The following NMNAT2 variants were observed in gnomAD, a reference collection of about 807,000 sequenced individuals.
NMNAT2 encodes nicotinamide nucleotide adenylyltransferase 2.
Under a neutral mutation model 41.6 loss-of-function variants are expected in NMNAT2, and 11 were observed. That is an observed-to-expected ratio of 0.26 (90% confidence interval 0.17 to 0.44). NMNAT2 has a LOEUF of 0.44. NMNAT2 is among the 20% of genes least tolerant of loss of function. The pLI, the probability that NMNAT2 is intolerant of heterozygous loss-of-function variation, is 1.00. For synonymous variants in NMNAT2, 148 were observed against 151.2 expected (o/e 0.98, Z 0.16); for missense variants, 288 against 407.7 (o/e 0.71, Z 2.53).
At chr1:183,391,221 T>G (rs1287463995) in intron 1 of NMNAT2, among the ~76,000 whole-genome samples, 1 of 152,216 alleles carries the variant, frequency 6.6e-6, no homozygotes, top group Non-Finnish European at 1.5e-5. Context: ...TCTGCAAGGA[T>G]GACCTTTCTC....
chr1:183,340,759 A>G (rs1361730119), intron 1 of NMNAT2, among the ~76,000 whole-genome samples: 1 of 152,172 alleles, frequency 6.6e-6, no homozygotes, highest in East Asian at 1.9e-4. Flanking sequence ...CTGACGAAAC[A>G]TAATCCAAAG....
intron 1 of NMNAT2, among the ~76,000 whole-genome samples, chr1:183,356,170 A>G (rs1329431324): frequency 1.3e-5 from 2 of 152,218 alleles, no homozygotes; most frequent in Non-Finnish European, 2.9e-5. Flanking sequence ...TATTTTTCCA[A>G]TTTACAGATT....
chr1:183,307,649 G>T (rs1662023950), intron 1 of NMNAT2, among the ~76,000 whole-genome samples: 1 of 152,118 alleles, frequency 6.6e-6, no homozygotes, highest in Admixed American at 6.6e-5. Context: ...CACCACATTG[G>T]CTAGGCTGGT....
At chr1:183,280,658 A>G (rs1370436539) in intron 7 of NMNAT2, among the ~76,000 whole-genome samples, 5 of 150,838 alleles carry the variant, frequency 3.3e-5, no homozygotes, top group East Asian at 4.0e-4. Flanking sequence ...AAAGTGCTGG[A>G]ATTACAGGCA....
At chr1:183,379,081 T>G (rs1234925931) in intron 1 of NMNAT2, among the ~76,000 whole-genome samples, 1 of 76,202 alleles carries the variant, frequency 1.3e-5, no homozygotes, top group East Asian at 1.2e-3. Context: ...TATATCTATA[T>G]CTATATCTAT....
intron 8 of NMNAT2, 23 bp from the exon 9 acceptor site, chr1:183,261,326 C>G: frequency 6.3e-7 from 1 of 1,594,138 alleles, no homozygotes; most frequent in East Asian, 2.2e-5. Flanking sequence ...AGAGAGGGCC[C>G]TTTGGTGAAA....
intron 1 of NMNAT2, among the ~76,000 whole-genome samples, chr1:183,309,412 C>T (rs1557874205): frequency 1.3e-5 from 2 of 152,106 alleles, no homozygotes; most frequent in Admixed American, 6.6e-5. Flanking sequence ...AATTAGGAGC[C>T]GATTCCAGGA....
intron 1 of NMNAT2, among the ~76,000 whole-genome samples, chr1:183,302,039 G>T (rs1013739759): frequency 2.0e-5 from 3 of 152,160 alleles, no homozygotes; most frequent in African/African-American, 7.2e-5. Context: ...ACCAAGTGCT[G>T]GATGATAAAG....
chr1:183,314,187 G>C (rs917845271), intron 1 of NMNAT2, among the ~76,000 whole-genome samples: 2 of 152,198 alleles, frequency 1.3e-5, no homozygotes, highest in Non-Finnish European at 2.9e-5. Context: ...CTCCCAAACA[G>C]AGCAAATATA....
At chr1:183,276,458 G>C (rs1377260696) in intron 8 of NMNAT2, among the ~76,000 whole-genome samples, 1 of 152,164 alleles carries the variant, frequency 6.6e-6, no homozygotes, top group Non-Finnish European at 1.5e-5. Context: ...TTAGAGGACC[G>C]GTGATCTAAG....
intron 1 of NMNAT2, among the ~76,000 whole-genome samples, chr1:183,319,892 G>A (rs77757284): frequency 0.011 from 1,629 of 152,218 alleles, 18 homozygotes; most frequent in Non-Finnish European, 0.018. Context: ...TCTCATTCCC[G>A]TTTTTCTGGA....
At chr1:183,397,550 GAA>G (rs1648684399) in intron 1 of NMNAT2, among the ~76,000 whole-genome samples, 1 of 152,022 alleles carries the variant, frequency 6.6e-6, no homozygotes, top group African/African-American at 2.4e-5. Flanking sequence ...TCAAATTCAG[GAA>G]ATACAAAGAA....
chr1:183,386,557 A>G (rs1191488319), intron 1 of NMNAT2, among the ~76,000 whole-genome samples: 1 of 152,188 alleles, frequency 6.6e-6, no homozygotes, highest in Non-Finnish European at 1.5e-5. Context: ...ACCTCACAAT[A>G]GCAAGGGCTC....
chr1:183,253,943 G>A (rs979115608), intron 10 of NMNAT2, among the ~76,000 whole-genome samples: 3 of 141,406 alleles, frequency 2.1e-5, no homozygotes, highest in South Asian at 2.3e-4. Flanking sequence ...GTGTGTGTGT[G>A]TATGTGTGTG....
chr1:183,361,040 C>T (rs544305459), intron 1 of NMNAT2, among the ~76,000 whole-genome samples: 7 of 152,308 alleles, frequency 4.6e-5, no homozygotes, highest in Admixed American at 3.9e-4. Context: ...GATCATCAAC[C>T]TCAGAGCTAC....
rs929775397 is a variant in NMNAT2, at chr1:183,371,519, T to C, written c.85+46664A>G. Reference sequence around the variant, plus strand: ...ATCAGCTGTAATTAATGTACCCCTCTGGTGGGGGATGTTGATAATGGGCAA... The same window carrying C: ...ATCAGCTGTAATTAATGTACCCCTCCGGTGGGGGATGTTGATAATGGGCAA... On this transcript the variant is annotated intron_variant, in intron 1 of 10. Transcript: ENST00000287713. 2.0e-5 allele frequency among the ~76,000 whole-genome samples: 3 copies of C among 152,168 alleles called. No homozygotes were observed. In the South Asian group the frequency reaches 6.2e-4, roughly 31 times the overall value.
rs762935303 is a variant in NMNAT2 at position 183,341,725 on chromosome 1, C to CAAAAA, written c.86-47937_86-47933dup. On this transcript the variant is annotated intron_variant, in intron 1 of 10. Transcript: ENST00000287713. ...GAGGAAAAGACAAACAAACAAACAC[C>CAAAAA]AAAAAAAAAAAAAAAAAAAAAACCT... is the stretch of plus-strand genomic sequence containing the variant. 4.8e-3 allele frequency among the ~76,000 whole-genome samples: 106 copies of CAAAAA among 22,202 alleles called. 7 individuals carry two copies. The highest frequency in any genetic ancestry group is 9.6e-3 in the African/African-American group (60 of 6,236). The allele number at this position is 22,202 out of a possible 152,430, so 14.6% of individuals were successfully genotyped here. A position where few individuals can be genotyped will look rare whatever the true frequency, so the allele number is the denominator to read the frequency against.
chr1:183,393,081 A>G (rs1408582581), intron 1 of NMNAT2, among the ~76,000 whole-genome samples: 1 of 152,188 alleles, frequency 6.6e-6, no homozygotes, highest in Admixed American at 6.5e-5. Flanking sequence ...ACTCACAGAG[A>G]GCATCTCTGG....
At chr1:183,357,464 C>A (rs1663220485) in intron 1 of NMNAT2, among the ~76,000 whole-genome samples, 1 of 151,966 alleles carries the variant, frequency 6.6e-6, no homozygotes, top group South Asian at 2.1e-4. Flanking sequence ...CTCCTGACCT[C>A]ATGATCCACC....
Sources: allele counts gnomAD v4.1 joint callset (sites outside exome capture counted in the v4.1 genomes callset), GRCh38; gene constraint gnomAD v4.1.1; transcripts MANE v1.5; gene names NCBI Gene and HGNC (gene_info 2026-07-23, HGNC 2026-07-21).